Variants in NRG3 observed in about 807,000 individuals in gnomAD.
The protein encoded by NRG3 is pro-neuregulin-3, membrane-bound isoform.
NRG3 carries 31 observed loss-of-function variants against 66.9 expected under a neutral mutation model. That is an observed-to-expected ratio of 0.46 (90% confidence interval 0.35 to 0.63). The LOEUF is 0.63. NRG3 is among the 20% of genes least tolerant of loss of function. The pLI is 0.00. For synonymous variants in NRG3, 393 were observed against 359.4 expected (o/e 1.09, Z -1.06); for missense variants, 910 against 878.9 (o/e 1.04, Z -0.45).
At chr10:82,351,683 T>A (rs2083447227) in intron 1 of NRG3, among the ~76,000 whole-genome samples, 1 of 152,140 alleles carries the variant, frequency 6.6e-6, no homozygotes, top group Non-Finnish European at 1.5e-5. Flanking sequence ...TAAGGTAAAA[T>A]TTGAGCAAGT....
intron 2 of NRG3, among the ~76,000 whole-genome samples, chr10:82,556,042 C>T (rs534539274): frequency 5.3e-5 from 8 of 152,036 alleles, no homozygotes; most frequent in Non-Finnish European, 1.2e-4. Context: ...ATTCAGTTGC[C>T]CCGTATTTGT....
intron 1 of NRG3, among the ~76,000 whole-genome samples, chr10:81,978,416 C>G (rs11192021): frequency 0.029 from 4,451 of 152,176 alleles, 220 homozygotes; most frequent in African/African-American, 0.1. Flanking sequence ...CATTCTATAA[C>G]TTTCAGGACC....
chr10:81,997,804 C>A (rs1286502039), intron 1 of NRG3, among the ~76,000 whole-genome samples: 1 of 151,844 alleles, frequency 6.6e-6, no homozygotes, highest in Non-Finnish European at 1.5e-5. Context: ...TAATGTCTCC[C>A]TAGCTGTGGG....
chr10:82,352,142 A>G (rs1485088229), intron 1 of NRG3, among the ~76,000 whole-genome samples: 1 of 152,222 alleles, frequency 6.6e-6, no homozygotes, highest in Non-Finnish European at 1.5e-5. Flanking sequence ...CTGAATAACT[A>G]TTGGATAGCA....
rs115821819 is a variant in NRG3, at chr10:82,113,511, G to A, written c.823+237348G>A. 7.5e-3 allele frequency among the ~76,000 whole-genome samples: 1,139 copies of A among 152,294 alleles called. 14 individuals carry two copies. Among genetic ancestry groups the A allele is most frequent in the African/African-American group, 0.026 (1,078 of 41,572 alleles). On this transcript the variant is annotated intron_variant, in intron 1 of 8. Coordinates refer to ENST00000372141, the MANE Select transcript of NRG3 (RefSeq NM_001010848.4). ...TCTGACTATTTTTACATAAAAAGATGTGGTGATTTGGGTTATGAAAAACTG... is the reference window on the plus strand; with the variant it reads ...TCTGACTATTTTTACATAAAAAGATATGGTGATTTGGGTTATGAAAAACTG...
At chr10:82,603,771 A>G (rs1258812398) in intron 2 of NRG3, among the ~76,000 whole-genome samples, 1 of 152,218 alleles carries the variant, frequency 6.6e-6, no homozygotes, top group Non-Finnish European at 1.5e-5. Flanking sequence ...ATTAATTTAA[A>G]TAGAATACTT....
At chr10:82,126,248 G>T (rs1403570894) in intron 1 of NRG3, among the ~76,000 whole-genome samples, 1 of 151,858 alleles carries the variant, frequency 6.6e-6, no homozygotes, top group East Asian at 1.9e-4. Flanking sequence ...TTACCACTTA[G>T]GAAAATAAAT....
At chr10:82,251,846 A>G (rs776607177) in intron 1 of NRG3, among the ~76,000 whole-genome samples, 1 of 152,092 alleles carries the variant, frequency 6.6e-6, no homozygotes, top group Non-Finnish European at 1.5e-5. Context: ...TGGCAGTGCA[A>G]TCTCCCTGTG....
intron 7 of NRG3, among the ~76,000 whole-genome samples, chr10:82,977,158 T>A (rs1852343632): frequency 6.6e-6 from 1 of 152,090 alleles, no homozygotes; most frequent in East Asian, 1.9e-4. Context: ...CATCCAAGGC[T>A]TCAGGCCCCG....
At chr10:82,980,900 C>T (rs1056110666) in intron 8 of NRG3, among the ~76,000 whole-genome samples, 3 of 152,118 alleles carry the variant, frequency 2.0e-5, no homozygotes, top group African/African-American at 7.2e-5. Flanking sequence ...TTTCATAGTG[C>T]CTTTTCCATA....
intron 1 of NRG3, among the ~76,000 whole-genome samples, chr10:81,927,395 A>G (rs1846912272): frequency 6.6e-6 from 1 of 152,148 alleles, no homozygotes; most frequent in South Asian, 2.1e-4. Context: ...AAATTACAAC[A>G]CCTTTGCTAA....
rs182119523 is a variant in NRG3, at chr10:82,337,047, A to G, written c.824-21692A>G. Among the ~76,000 whole-genome samples the G allele has an allele frequency of 2.8e-3, 422 of 152,162 alleles. 2 individuals are homozygous for G. The highest frequency in any genetic ancestry group is 1.0e-2 in the African/African-American group (415 of 41,528). ...AAGGCATAACATGAAATTGACTGTT[A>G]TTTATTTGCAGAATCTTAACTACTG... On this transcript the variant is annotated intron_variant, in intron 1 of 8. Coordinates refer to ENST00000372141, the MANE Select transcript of NRG3 (RefSeq NM_001010848.4).
intron 1 of NRG3, among the ~76,000 whole-genome samples, chr10:81,892,926 T>A (rs1356931298): frequency 6.6e-6 from 1 of 152,226 alleles, no homozygotes; most frequent in Non-Finnish European, 1.5e-5. Flanking sequence ...TTATCTCATG[T>A]AATCCATAAA....
intron 1 of NRG3, among the ~76,000 whole-genome samples, chr10:81,998,105 G>A (rs899103429): frequency 1.3e-5 from 2 of 152,026 alleles, no homozygotes; most frequent in Admixed American, 6.6e-5. Flanking sequence ...TTGAAGCTCC[G>A]CACTCTCAAA....
At chr10:82,389,313 A>T (rs993469379) in intron 2 of NRG3, among the ~76,000 whole-genome samples, 2 of 152,196 alleles carry the variant, frequency 1.3e-5, no homozygotes, top group African/African-American at 4.8e-5. Flanking sequence ...AACTTTGAAA[A>T]GTCAATCCCT....
At chr10:82,441,259 T>C (rs1211328958) in intron 2 of NRG3, among the ~76,000 whole-genome samples, 1 of 152,244 alleles carries the variant, frequency 6.6e-6, no homozygotes, top group Non-Finnish European at 1.5e-5. Flanking sequence ...TCAATTTGTA[T>C]ATTGGTATTC....
intron 2 of NRG3, among the ~76,000 whole-genome samples, chr10:82,664,046 G>T (rs906082305): frequency 6.6e-6 from 1 of 152,140 alleles, no homozygotes; most frequent in Non-Finnish European, 1.5e-5. Flanking sequence ...TGTGGTGGGA[G>T]TAAGAAAGCC....
intron 6 of NRG3, among the ~76,000 whole-genome samples, chr10:82,968,241 T>G (rs998881832): frequency 1.3e-5 from 2 of 152,186 alleles, no homozygotes; most frequent in African/African-American, 4.8e-5. Flanking sequence ...TTGGTCAAAT[T>G]ATTAGACTCT....
chr10:82,657,904 G>GAAAA (rs35129207), intron 2 of NRG3, among the ~76,000 whole-genome samples: 2 of 144,964 alleles, frequency 1.4e-5, no homozygotes, highest in African/African-American at 5.1e-5. Context: ...CACATACACA[G>GAAAA]AAAAAAAAAA....
Sources: gnomAD v4.1 joint callset for allele counts (sites outside exome capture counted in the v4.1 genomes callset) on GRCh38, gnomAD v4.1.1 for gene constraint, MANE v1.5 for transcripts, NCBI Gene and HGNC (gene_info 2026-07-23, HGNC 2026-07-21) for gene names.